Variants in SRPK2 observed in about 807,000 individuals in gnomAD.
SRPK2 encodes the protein SFRS protein kinase 2.
In SRPK2, 21 loss-of-function variants were observed where a neutral mutation model predicts 90.8. The ratio of observed to expected loss-of-function variants is 0.23; its 90% CI spans 0.16 to 0.33. The LOEUF (loss-of-function observed/expected upper bound fraction) is 0.33, where lower values mean the gene tolerates loss of function less well. Among genes scored for constraint, SRPK2 ranks in the 10% least tolerant of loss-of-function variants. The pLI, the probability that SRPK2 is intolerant of heterozygous loss-of-function variation, is 1.00. For synonymous variants in SRPK2, 288 were observed against 311.1 expected (o/e 0.93, Z 0.78); for missense variants, 620 against 869.0 (o/e 0.71, Z 3.60).
chr7:105,353,877 C>T (rs1200157378), intron 2 of SRPK2, among the ~76,000 whole-genome samples: 1 of 152,134 alleles, frequency 6.6e-6, no homozygotes, highest in African/African-American at 2.4e-5. Context: ...AAAGGCAACG[C>T]CCAAATCCCA....
Position 105,345,513 on chromosome 7 carries a change from G to GA in SRPK2, c.71+43134dup, listed in dbSNP as rs564270949. Among the ~76,000 whole-genome samples the GA allele has an allele frequency of 7.9e-5, 12 of 151,470 alleles. No individual in the cohort carries two copies. In the South Asian group the frequency reaches 1.9e-3, roughly 24 times the overall value. ...TATGACCAAGCATATCGCAAGAAAC[G>GA]AAAAAAAATTCATTATAAGGAAAAC... On this transcript the variant is annotated intron_variant, in intron 2 of 15. Transcript: ENST00000393651.
intron 6 of SRPK2, among the ~76,000 whole-genome samples, chr7:105,162,214 C>A (rs978808090): frequency 3.3e-5 from 5 of 151,990 alleles, no homozygotes; most frequent in Admixed American, 3.3e-4. Flanking sequence ...GTTGATTTTT[C>A]CAGTTTTAGT....
At chr7:105,271,218 C>T (rs1805787375) in intron 2 of SRPK2, among the ~76,000 whole-genome samples, 1 of 152,142 alleles carries the variant, frequency 6.6e-6, no homozygotes, top group Non-Finnish European at 1.5e-5. Flanking sequence ...TATCAATGCA[C>T]TTAAGATGAA....
At chr7:105,133,667 A>C (rs1802364326) in intron 11 of SRPK2, among the ~76,000 whole-genome samples, 1 of 152,206 alleles carries the variant, frequency 6.6e-6, no homozygotes, top group Non-Finnish European at 1.5e-5. Context: ...GGGGTAGATG[A>C]CTGTTGATTA....
intron 2 of SRPK2, among the ~76,000 whole-genome samples, chr7:105,351,126 C>T (rs776642385): frequency 3.3e-5 from 5 of 151,898 alleles, no homozygotes; most frequent in South Asian, 2.1e-4. Flanking sequence ...AATGAGTTAA[C>T]GAATTTTAAC....
chr7:105,205,892 AG>A, intron 2 of SRPK2: 1 of 515,784 alleles, frequency 1.9e-6, no homozygotes, highest in South Asian at 1.4e-5. Context: ...TTCCTAACTC[AG>A]AAACTTTATA....
chr7:105,123,123 T>G (rs1392979361), intron 15 of SRPK2, among the ~76,000 whole-genome samples: 2 of 152,084 alleles, frequency 1.3e-5, no homozygotes, highest in Non-Finnish European at 2.9e-5. Flanking sequence ...TTGGACCACC[T>G]ATCAACACAG....
chr7:105,388,458 C>G (rs923504068), intron 2 of SRPK2, among the ~76,000 whole-genome samples, 190 bp downstream of exon 2: 1 of 146,624 alleles, frequency 6.8e-6, no homozygotes, highest in African/African-American at 2.5e-5. Context: ...CCGGCCGCGG[C>G]CCGCGCGCCC....
chr7:105,288,960 T>A (rs917250375), intron 2 of SRPK2, among the ~76,000 whole-genome samples: 12 of 152,088 alleles, frequency 7.9e-5, no homozygotes, highest in Admixed American at 4.6e-4. Context: ...TTCCTTTTTT[T>A]AAAAAATAAC....
intron 2 of SRPK2, among the ~76,000 whole-genome samples, chr7:105,291,197 G>C (rs1346995354): frequency 6.6e-6 from 1 of 152,234 alleles, no homozygotes; most frequent in Non-Finnish European, 1.5e-5. Flanking sequence ...AATGAAGCCA[G>C]AGATGATGGC....
intron 2 of SRPK2, among the ~76,000 whole-genome samples, chr7:105,356,340 C>T (rs1817782526): frequency 6.6e-6 from 1 of 151,994 alleles, no homozygotes; most frequent in Non-Finnish European, 1.5e-5. Context: ...AGAGAGAAAC[C>T]CAAACAATGT....
intron 2 of SRPK2, among the ~76,000 whole-genome samples, chr7:105,382,281 G>C (rs1444670567): frequency 6.6e-6 from 1 of 152,088 alleles, no homozygotes. Context: ...AGCCAGGCAC[G>C]GTGGCTCATG....
At chr7:105,328,195 G>A (rs1313204127) in intron 2 of SRPK2, among the ~76,000 whole-genome samples, 6 of 152,146 alleles carry the variant, frequency 3.9e-5, no homozygotes, top group African/African-American at 7.2e-5. Flanking sequence ...ATCCAAAATG[G>A]ATCAGGGCAG....
At chr7:105,217,184 C>A (rs767038896) in intron 2 of SRPK2, among the ~76,000 whole-genome samples, 4 of 152,194 alleles carry the variant, frequency 2.6e-5, no homozygotes, top group Non-Finnish European at 5.9e-5. Context: ...CACCTAACAA[C>A]CCTCTGCTTC....
intron 2 of SRPK2, among the ~76,000 whole-genome samples, chr7:105,332,196 C>T (rs935830673): frequency 2.6e-5 from 4 of 152,160 alleles, no homozygotes; most frequent in African/African-American, 9.7e-5. Context: ...ACATTCCTCA[C>T]TGCCACCTGA....
chr7:105,159,391 T>C (rs1472646957), intron 7 of SRPK2, among the ~76,000 whole-genome samples: 1 of 128,760 alleles, frequency 7.8e-6, no homozygotes, highest in Non-Finnish European at 1.5e-5. Flanking sequence ...GAGGCTGCAA[T>C]GAGCTGAGAT....
intron 2 of SRPK2, among the ~76,000 whole-genome samples, chr7:105,320,828 A>ACACTAGG (rs146000332): frequency 0.061 from 9,254 of 152,004 alleles, 948 homozygotes; most frequent in African/African-American, 0.21. Context: ...CAATAATGGA[A>ACACTAGG]CACTAGGCAC....
chr7:105,296,028 T>C (rs1474210430), intron 2 of SRPK2, among the ~76,000 whole-genome samples: 2 of 152,172 alleles, frequency 1.3e-5, no homozygotes, highest in African/African-American at 4.8e-5. Flanking sequence ...TAAACTGGGT[T>C]GCTAATAAAT....
intron 2 of SRPK2, among the ~76,000 whole-genome samples, chr7:105,382,959 T>G (rs969344463): frequency 6.6e-6 from 1 of 151,510 alleles, no homozygotes; most frequent in Non-Finnish European, 1.5e-5. Context: ...ATGGTTAAGA[T>G]ATCAACGTCA....
Sources: allele counts gnomAD v4.1 joint callset (sites outside exome capture counted in the v4.1 genomes callset), GRCh38; gene constraint gnomAD v4.1.1; transcripts MANE v1.5; gene names NCBI Gene and HGNC (gene_info 2026-07-23, HGNC 2026-07-21).